AOPEP: variants seen among roughly 807,000 people sequenced by gnomAD.
The protein encoded by AOPEP is aminopeptidase O (putative), also known as aminopeptidase O.
Under a neutral mutation model 98.1 loss-of-function variants are expected in AOPEP, and 77 were observed. That is an observed-to-expected ratio of 0.78 (90% CI 0.65 to 0.95). AOPEP has a LOEUF of 0.95. Among genes scored for constraint, AOPEP ranks in the 40% least tolerant of loss-of-function variants. The probability of loss-of-function intolerance (pLI) is 0.00; values close to 1 mark genes in which losing one functional copy is unlikely to be tolerated. For synonymous variants in AOPEP, 346 were observed against 365.3 expected (o/e 0.95, Z 0.60); for missense variants, 1,024 against 1,024.7 (o/e 1.00, Z 0.01).
chr9:94,924,429 A>T (rs1353321052), intron 6 of AOPEP, among the ~76,000 whole-genome samples: 1 of 152,348 alleles, frequency 6.6e-6, no homozygotes, highest in Admixed American at 6.5e-5. Flanking sequence ...AATGAGACCC[A>T]TAGAGGGGCA....
chr9:94,732,448 G>A (rs1002744863), intron 1 of AOPEP, among the ~76,000 whole-genome samples: 6 of 152,114 alleles, frequency 3.9e-5, no homozygotes, highest in African/African-American at 1.2e-4. Context: ...AAGCCTTGGA[G>A]TTTTAACTTG....
intron 10 of AOPEP, among the ~76,000 whole-genome samples, chr9:94,973,670 G>A (rs2138522058): frequency 6.6e-6 from 1 of 152,370 alleles, no homozygotes; most frequent in Non-Finnish European, 1.5e-5. Context: ...CCAGGGCTAA[G>A]GCCTGGGTTT....
chr9:94,878,223 T>C (rs907244411), intron 5 of AOPEP, among the ~76,000 whole-genome samples: 3 of 149,948 alleles, frequency 2.0e-5, no homozygotes, highest in African/African-American at 7.4e-5. Flanking sequence ...AAAGTCTTGA[T>C]CTGTGATCTT....
chr9:94,861,372 A>G (rs1474176490), intron 5 of AOPEP, among the ~76,000 whole-genome samples: 1 of 152,238 alleles, frequency 6.6e-6, no homozygotes. Flanking sequence ...ATGGGCAGAA[A>G]AGAAGATGAA....
intron 10 of AOPEP, among the ~76,000 whole-genome samples, chr9:94,978,552 T>A (rs1175908519): frequency 6.6e-6 from 1 of 152,146 alleles, no homozygotes; most frequent in African/African-American, 2.4e-5. Flanking sequence ...GTTATGGCAC[T>A]GGGGAGGCCT....
intron 3 of AOPEP, 51 bp downstream of exon 3, chr9:94,773,219 C>T: frequency 6.8e-7 from 1 of 1,481,332 alleles, no homozygotes; most frequent in East Asian, 2.3e-5. Context: ...CATGTGGACC[C>T]AGGAACCCAA....
chr9:94,912,836 A>G (rs1398057403), intron 5 of AOPEP, among the ~76,000 whole-genome samples: 1 of 152,256 alleles, frequency 6.6e-6, no homozygotes, highest in Non-Finnish European at 1.5e-5. Flanking sequence ...AAGTGCACAC[A>G]GGAAGGATGG....
chr9:95,143,341 C>T, the AOPEP span, among the ~76,000 whole-genome samples: 2 of 152,108 alleles, frequency 1.3e-5, no homozygotes, highest in South Asian at 2.1e-4. Context: ...AATGTAAGCA[C>T]GACTGATTAA....
chr9:95,008,859 A>T (rs370711598), intron 13 of AOPEP, among the ~76,000 whole-genome samples: 5 of 152,056 alleles, frequency 3.3e-5, no homozygotes, highest in African/African-American at 1.2e-4. Flanking sequence ...TTTTAGTTTC[A>T]TATTTTAGCC....
At chr9:94,891,653 C>A (rs928250604) in intron 5 of AOPEP, among the ~76,000 whole-genome samples, 1 of 152,054 alleles carries the variant, frequency 6.6e-6, no homozygotes, top group Non-Finnish European at 1.5e-5. Context: ...CTTTACCCTC[C>A]TCACTTCTGA....
the AOPEP span, among the ~76,000 whole-genome samples, chr9:95,106,154 A>T: frequency 1.2e-4 from 18 of 151,124 alleles, no homozygotes; most frequent in African/African-American, 3.4e-4. Context: ...GCTGACAGCC[A>T]TCCTGATGGC....
intron 1 of AOPEP, among the ~76,000 whole-genome samples, chr9:94,752,056 GCTAA>G (rs950178101): frequency 4.0e-5 from 6 of 151,852 alleles, no homozygotes; most frequent in Non-Finnish European, 5.9e-5. Context: ...ACCATGTCTG[GCTAA>G]CTGTTATTTG....
intron 13 of AOPEP, among the ~76,000 whole-genome samples, chr9:95,041,621 T>C (rs2065321039): frequency 6.6e-6 from 1 of 152,114 alleles, no homozygotes; most frequent in South Asian, 2.1e-4. Flanking sequence ...AGGGATGGCT[T>C]GAATATTTCT....
intron 9 of AOPEP, among the ~76,000 whole-genome samples, chr9:94,960,669 T>A (rs535761852): frequency 6.6e-6 from 1 of 152,276 alleles, no homozygotes; most frequent in South Asian, 2.1e-4. Context: ...ATTATCAAAT[T>A]TGTGTTCGTT....
At chr9:94,761,467 A>T (rs1838275889) in intron 2 of AOPEP, among the ~76,000 whole-genome samples, 1 of 152,158 alleles carries the variant, frequency 6.6e-6, no homozygotes. Flanking sequence ...CAGAGCTTGG[A>T]TGGAGGAACG....
At chr9:95,105,044 G>A in the AOPEP span, among the ~76,000 whole-genome samples, 3 of 152,198 alleles carry the variant, frequency 2.0e-5, no homozygotes, top group East Asian at 3.8e-4. Context: ...ATAGATTCTC[G>A]AAAGCATTCT....
chr9:95,076,763 C>A (rs550349832), intron 14 of AOPEP, among the ~76,000 whole-genome samples: 1 of 152,110 alleles, frequency 6.6e-6, no homozygotes, highest in African/African-American at 2.4e-5. Flanking sequence ...GAAGACCTTA[C>A]CGTATTTTGT....
intron 13 of AOPEP, among the ~76,000 whole-genome samples, chr9:95,033,151 C>T (rs1381275395): frequency 6.6e-6 from 1 of 152,190 alleles, no homozygotes; most frequent in Non-Finnish European, 1.5e-5. Context: ...TTCCTTACCA[C>T]TAGTCCATGG....
intron 13 of AOPEP, among the ~76,000 whole-genome samples, chr9:95,009,803 A>G (rs1402637665): frequency 1.3e-5 from 2 of 152,146 alleles, no homozygotes; most frequent in Admixed American, 1.3e-4. Context: ...AAATTTCCTG[A>G]AATTTTCCTT....
Sources: allele counts gnomAD v4.1 joint callset (sites outside exome capture counted in the v4.1 genomes callset), GRCh38; gene constraint gnomAD v4.1.1; transcripts MANE v1.5; gene names NCBI Gene and HGNC (gene_info 2026-07-23, HGNC 2026-07-21).